The following IGF2BP2 variants were observed in gnomAD, a reference collection of about 807,000 sequenced individuals.
IGF2BP2 encodes the protein insulin-like growth factor 2 mRNA-binding protein 2.
Under a neutral mutation model 75.8 loss-of-function variants are expected in IGF2BP2, and 17 were observed. That is an observed-to-expected ratio of 0.22 (90% confidence interval 0.15 to 0.34). IGF2BP2 has a LOEUF of 0.34. Among genes scored for constraint, IGF2BP2 ranks in the 10% least tolerant of loss-of-function variants. The pLI, the probability that IGF2BP2 is intolerant of heterozygous loss-of-function variation, is 1.00. For synonymous variants in IGF2BP2, 288 were observed against 295.6 expected (o/e 0.97, Z 0.26); for missense variants, 516 against 772.4 (o/e 0.67, Z 3.93).
At chr3:185,657,863 C>A (rs1247156891) in intron 11 of IGF2BP2, among the ~76,000 whole-genome samples, 2 of 152,154 alleles carry the variant, frequency 1.3e-5, no homozygotes, top group Non-Finnish European at 2.9e-5. Context: ...TTGACCTGAC[C>A]CAGCTGCACG....
intron 14 of IGF2BP2, among the ~76,000 whole-genome samples, chr3:185,648,844 C>T (rs929310930): frequency 1.3e-5 from 2 of 152,198 alleles, no homozygotes; most frequent in African/African-American, 4.8e-5. Flanking sequence ...AACTAGCTCC[C>T]CTAGAGCCAT....
At chr3:185,692,955 T>A (rs1016413120) in intron 4 of IGF2BP2, among the ~76,000 whole-genome samples, 193 bp from the exon 5 acceptor site, 41 of 152,244 alleles carry the variant, frequency 2.7e-4, no homozygotes, top group Non-Finnish European at 5.9e-4. Flanking sequence ...ACGTTTGTAA[T>A]CAATCGTATG....
intron 13 of IGF2BP2, 144 bp from the exon 14 acceptor site, chr3:185,649,678 C>T (rs1714236594): frequency 1.8e-6 from 2 of 1,141,012 alleles, no homozygotes; most frequent in South Asian, 3.1e-5. Flanking sequence ...CTGCGTGCCC[C>T]AGCCTCCGCT....
intron 2 of IGF2BP2, among the ~76,000 whole-genome samples, chr3:185,820,251 C>T (rs919309936): frequency 1.0e-4 from 14 of 137,828 alleles, no homozygotes; most frequent in African/African-American, 4.0e-4. Flanking sequence ...CACACACACA[C>T]ACACACACAC....
At position 185,696,526 on chromosome 3, in the gene IGF2BP2, C is replaced by T. The variant is rs1015693424; in HGVS notation, c.340+86G>A. 7.2e-6 allele frequency: 8 copies of T among 1,104,882 alleles called. No individual in the cohort carries two copies. The African/African-American group carries it at 7.8e-5, about 11-fold the overall frequency. The allele number at this position is 1,104,882 out of a possible 1,614,324, so 68.4% of individuals were successfully genotyped here. A position where few individuals can be genotyped will look rare whatever the true frequency, so the allele number is the denominator to read the frequency against. On this transcript the variant is annotated intron_variant, in intron 4 of 15. Transcript: ENST00000382199. ...CTTATTTCAAAGAAATATGAACTTACTATTTCTCCCTGGAGTTGACCTAAC... is the reference window on the plus strand; with the variant it reads ...CTTATTTCAAAGAAATATGAACTTATTATTTCTCCCTGGAGTTGACCTAAC...
chr3:185,663,917 T>G (rs1218590170), intron 10 of IGF2BP2, among the ~76,000 whole-genome samples: 1 of 152,232 alleles, frequency 6.6e-6, no homozygotes, highest in African/African-American at 2.4e-5. Context: ...TTAAGGCATA[T>G]ATATGAATTA....
At chr3:185,689,071 T>C (rs981136983) in intron 6 of IGF2BP2, 15 of 351,618 alleles carry the variant, frequency 4.3e-5, no homozygotes, top group Non-Finnish European at 2.6e-5. Context: ...TCTGCTTTTG[T>C]AGAAATCAAT....
At chr3:185,669,068 A>G (rs1388290500) in intron 10 of IGF2BP2, among the ~76,000 whole-genome samples, 1 of 152,222 alleles carries the variant, frequency 6.6e-6, no homozygotes, top group Non-Finnish European at 1.5e-5. Flanking sequence ...ATAATTTAAA[A>G]AAGCATATAT....
chr3:185,679,466 T>C (rs1238445715), intron 7 of IGF2BP2, among the ~76,000 whole-genome samples: 3 of 152,246 alleles, frequency 2.0e-5, no homozygotes, highest in African/African-American at 7.2e-5. Flanking sequence ...AAAAAAGTTT[T>C]TGTCATTTAA....
At chr3:185,801,783 A>G (rs897209193) in intron 2 of IGF2BP2, among the ~76,000 whole-genome samples, 2 of 152,138 alleles carry the variant, frequency 1.3e-5, no homozygotes, top group African/African-American at 4.8e-5. Flanking sequence ...CCCATCAATG[A>G]TAGACTGGAT....
chr3:185,819,737 T>C (rs1021455693), intron 2 of IGF2BP2, among the ~76,000 whole-genome samples: 2 of 152,118 alleles, frequency 1.3e-5, no homozygotes, highest in Middle Eastern at 3.2e-3. Flanking sequence ...AACAAATTCT[T>C]GAAGTAGGAA....
intron 2 of IGF2BP2, among the ~76,000 whole-genome samples, chr3:185,819,305 T>C (rs1208116589): frequency 3.9e-5 from 6 of 152,092 alleles, no homozygotes; most frequent in Non-Finnish European, 8.8e-5. Context: ...TATATTACAA[T>C]TTAAAATTTT....
At chr3:185,732,217 G>A (rs1429259191) in intron 2 of IGF2BP2, among the ~76,000 whole-genome samples, 1 of 152,194 alleles carries the variant, frequency 6.6e-6, no homozygotes, top group Non-Finnish European at 1.5e-5. Flanking sequence ...TATTGGGAGT[G>A]TGAGGCCTTG....
chr3:185,742,330 C>T (rs1051959157), intron 2 of IGF2BP2, among the ~76,000 whole-genome samples: 2 of 152,044 alleles, frequency 1.3e-5, no homozygotes, highest in East Asian at 1.9e-4. Context: ...CCCATCTCTA[C>T]TAAAAATACA....
intron 4 of IGF2BP2, among the ~76,000 whole-genome samples, chr3:185,695,677 C>T (rs1392785502): frequency 2.0e-5 from 3 of 152,108 alleles, no homozygotes; most frequent in Non-Finnish European, 2.9e-5. Flanking sequence ...GTATTTCATG[C>T]TTTAGAAGAT....
At chr3:185,820,538 T>C (rs535041227) in intron 2 of IGF2BP2, among the ~76,000 whole-genome samples, 2 of 152,176 alleles carry the variant, frequency 1.3e-5, no homozygotes, top group East Asian at 3.9e-4. Flanking sequence ...GAATAAAACA[T>C]ACGCTGCAAA....
chr3:185,684,422 T>C (rs889558684), intron 7 of IGF2BP2, among the ~76,000 whole-genome samples: 1 of 152,104 alleles, frequency 6.6e-6, no homozygotes, highest in Non-Finnish European at 1.5e-5. Flanking sequence ...TTTCTTGTTT[T>C]GAAATGGAGT....
Position 185,644,228 on chromosome 3 carries a change from C to T in IGF2BP2, c.*1303G>A, listed in dbSNP as rs978178474. 8.5e-5 allele frequency: 13 copies of T among 152,436 alleles called. No individual in the cohort carries two copies. Among genetic ancestry groups the T allele is most frequent in the African/African-American group, 2.9e-4 (12 of 41,498 alleles). The allele number at this position is 152,436 out of a possible 1,614,324, so 9.4% of individuals were successfully genotyped here. Reference sequence around the variant, plus strand: ...GCTGAGGTAAAAACACCTGAGGTAGCTTCTTCTGTGTGTTTTTCTCGTTAA... The same window carrying T: ...GCTGAGGTAAAAACACCTGAGGTAGTTTCTTCTGTGTGTTTTTCTCGTTAA... On this transcript the variant is annotated 3_prime_UTR_variant, in exon 16 of 16. Transcript: ENST00000382199.
intron 10 of IGF2BP2, among the ~76,000 whole-genome samples, chr3:185,672,156 T>C (rs1577907740): frequency 1.3e-5 from 2 of 152,228 alleles, no homozygotes; most frequent in East Asian, 1.9e-4. Context: ...TGTATGTATG[T>C]AGATATATAT....
Sources: gnomAD v4.1 joint callset for allele counts (sites outside exome capture counted in the v4.1 genomes callset) on GRCh38, gnomAD v4.1.1 for gene constraint, MANE v1.5 for transcripts, NCBI Gene and HGNC (gene_info 2026-07-23, HGNC 2026-07-21) for gene names.